Variants in GALNT17 observed in about 807,000 individuals in gnomAD.
GALNT17 encodes UDP-GalNAc:polypeptide N-acetylgalactosaminyltransferase-like 3.
Under a neutral mutation model 63.7 loss-of-function variants are expected in GALNT17, and 29 were observed. That is an observed-to-expected ratio of 0.46 (90% CI 0.34 to 0.62). The LOEUF (loss-of-function observed/expected upper bound fraction) is 0.62. Among genes scored for constraint, GALNT17 ranks in the 20% least tolerant of loss-of-function variants. The pLI is 0.01. For missense variants in GALNT17, 603 were observed against 799.6 expected, an observed-to-expected ratio of 0.75 and a Z score of 2.97; for synonymous variants, 305 against 318.3, an observed-to-expected ratio of 0.96 and a Z score of 0.45.
At chr7:71,534,527 A>G (rs1190552118) in intron 5 of GALNT17, among the ~76,000 whole-genome samples, 1 of 148,780 alleles carries the variant, frequency 6.7e-6, no homozygotes, top group Non-Finnish European at 1.5e-5. Flanking sequence ...TGAACCCAGG[A>G]GGCAGAATTT....
chr7:71,685,068 C>T (rs1299228968), intron 9 of GALNT17, among the ~76,000 whole-genome samples: 1 of 152,016 alleles, frequency 6.6e-6, no homozygotes, highest in Non-Finnish European at 1.5e-5. Flanking sequence ...GTCTTGGGTA[C>T]TCTGATCTGC....
At chr7:71,334,103 G>T (rs757600547) in intron 1 of GALNT17, among the ~76,000 whole-genome samples, 10 of 152,166 alleles carry the variant, frequency 6.6e-5, no homozygotes, top group Non-Finnish European at 1.2e-4. Flanking sequence ...TTCCTGAAGA[G>T]CATATTGGAC....
At chr7:71,411,916 CCTT>C (rs1793436498) in intron 3 of GALNT17, among the ~76,000 whole-genome samples, 1 of 152,196 alleles carries the variant, frequency 6.6e-6, no homozygotes, top group Non-Finnish European at 1.5e-5. Context: ...ATGCACATAT[CCTT>C]CTTCCAGAAA....
intron 1 of GALNT17, among the ~76,000 whole-genome samples, chr7:71,234,775 A>G (rs1008548659): frequency 1.3e-5 from 2 of 152,186 alleles, no homozygotes; most frequent in African/African-American, 4.8e-5. Context: ...CTGTTCAAGC[A>G]GGTTTCCATA....
At chr7:71,176,105 C>T (rs559507741) in intron 1 of GALNT17, among the ~76,000 whole-genome samples, 58 of 152,056 alleles carry the variant, frequency 3.8e-4, no homozygotes, top group African/African-American at 1.3e-3. Context: ...CGTGTGGCCT[C>T]GACATGTGGC....
At chr7:71,492,230 G>A (rs1428104047) in intron 5 of GALNT17, among the ~76,000 whole-genome samples, 1 of 152,158 alleles carries the variant, frequency 6.6e-6, no homozygotes, top group Non-Finnish European at 1.5e-5. Context: ...AGTGAGCCGA[G>A]ATCACGCCAC....
At chr7:71,240,660 C>G (rs571598008) in intron 1 of GALNT17, among the ~76,000 whole-genome samples, 1 of 147,884 alleles carries the variant, frequency 6.8e-6, no homozygotes, top group Non-Finnish European at 1.5e-5. Context: ...ACCATATTTT[C>G]TTTTTTCTTT....
chr7:71,289,610 C>T (rs1053185678), intron 1 of GALNT17, among the ~76,000 whole-genome samples: 7 of 151,890 alleles, frequency 4.6e-5, no homozygotes, highest in East Asian at 1.9e-4. Flanking sequence ...CCGGGTGCAA[C>T]GGCTCACACC....
intron 1 of GALNT17, among the ~76,000 whole-genome samples, chr7:71,190,691 G>T (rs1410226078): frequency 1.3e-5 from 2 of 152,194 alleles, no homozygotes; most frequent in East Asian, 3.9e-4. Context: ...GAGTGCAGTG[G>T]TGTGATCATG....
chr7:71,354,281 A>G (rs1792242674), intron 2 of GALNT17, among the ~76,000 whole-genome samples: 1 of 152,204 alleles, frequency 6.6e-6, no homozygotes, highest in Admixed American at 6.5e-5. Flanking sequence ...TAGTGGAGAT[A>G]GTGGGAACCC....
At chr7:71,321,601 C>G (rs1397131367) in intron 1 of GALNT17, among the ~76,000 whole-genome samples, 2 of 151,864 alleles carry the variant, frequency 1.3e-5, no homozygotes, top group East Asian at 3.9e-4. Flanking sequence ...AATTTTCTCC[C>G]CTCCCTCCCT....
At chr7:71,401,583 C>T (rs1374312306) in intron 3 of GALNT17, among the ~76,000 whole-genome samples, 1 of 152,118 alleles carries the variant, frequency 6.6e-6, no homozygotes, top group Non-Finnish European at 1.5e-5. Context: ...GTATTTAGAG[C>T]CACTCCCCAT....
intron 5 of GALNT17, among the ~76,000 whole-genome samples, chr7:71,555,918 T>C (rs1789156559): frequency 6.6e-6 from 1 of 152,230 alleles, no homozygotes; most frequent in South Asian, 2.1e-4. Flanking sequence ...GACTATTGCT[T>C]CAGCAGTTAA....
At chr7:71,650,642 T>C (rs1459180466) in intron 6 of GALNT17, among the ~76,000 whole-genome samples, 1 of 152,226 alleles carries the variant, frequency 6.6e-6, no homozygotes, top group Non-Finnish European at 1.5e-5. Flanking sequence ...GAATTAAATA[T>C]AATTCACTAT....
chr7:71,300,777 C>A (rs1001611538), intron 1 of GALNT17: 1 of 204,122 alleles, frequency 4.9e-6, no homozygotes, highest in Admixed American at 5.7e-5. Flanking sequence ...TTTGCACAGC[C>A]GAGGCCTGCA....
chr7:71,348,456 C>T (rs537458537), intron 2 of GALNT17, among the ~76,000 whole-genome samples: 2 of 152,300 alleles, frequency 1.3e-5, no homozygotes, highest in South Asian at 4.1e-4. Flanking sequence ...CTGTTTCTTT[C>T]TAGAGAGCTT....
intron 5 of GALNT17, among the ~76,000 whole-genome samples, chr7:71,517,559 C>T (rs551941434): frequency 6.6e-6 from 1 of 152,230 alleles, no homozygotes; most frequent in South Asian, 2.1e-4. Context: ...TCCTTCTAGC[C>T]AGCATTTTTT....
intron 1 of GALNT17, among the ~76,000 whole-genome samples, chr7:71,216,055 T>C (rs986249023): frequency 2.2e-5 from 3 of 138,768 alleles, no homozygotes; most frequent in Non-Finnish European, 3.3e-5. Flanking sequence ...TAAATAATAA[T>C]AATAATAATA....
intron 1 of GALNT17, among the ~76,000 whole-genome samples, chr7:71,277,442 A>G (rs1167303477): frequency 6.6e-6 from 1 of 152,218 alleles, no homozygotes; most frequent in Non-Finnish European, 1.5e-5. Flanking sequence ...TCAGCATCAC[A>G]CAGTATACCT....
Sources: gnomAD v4.1 joint callset for allele counts (sites outside exome capture counted in the v4.1 genomes callset) on GRCh38, gnomAD v4.1.1 for gene constraint, MANE v1.5 for transcripts, NCBI Gene and HGNC (gene_info 2026-07-23, HGNC 2026-07-21) for gene names.